PGCKA1: variants seen among roughly 807,000 people sequenced by gnomAD.
The protein encoded by PGCKA1 is PDCD10 and GCKIII kinases associated 1, also known as PDCD10 and GCKIII kinases-associated protein 1.
the PGCKA1 span, among the ~76,000 whole-genome samples, chr4:37,509,834 G>C: frequency 6.6e-6 from 1 of 151,602 alleles, no homozygotes; most frequent in African/African-American, 2.4e-5. Flanking sequence ...GTGGCGGCGC[G>C]CGCCTGCAAT....
chr4:37,508,220 C>T, the PGCKA1 span, among the ~76,000 whole-genome samples: 1 of 152,084 alleles, frequency 6.6e-6, no homozygotes. Context: ...TCTTGGCATT[C>T]TATAACCTTC....
the PGCKA1 span, among the ~76,000 whole-genome samples, chr4:37,512,379 A>G: frequency 6.6e-6 from 1 of 152,092 alleles, no homozygotes; most frequent in Admixed American, 6.5e-5. Context: ...TCACTGAGAC[A>G]CTAAAAATCA....
the PGCKA1 span, among the ~76,000 whole-genome samples, chr4:37,471,213 TTGGAA>T: frequency 6.6e-6 from 1 of 152,210 alleles, no homozygotes; most frequent in Middle Eastern, 3.2e-3. Flanking sequence ...TTGGCTAAAC[TTGGAA>T]GTAAAATACA....
At chr4:37,589,775 G>A in the PGCKA1 span, among the ~76,000 whole-genome samples, 2 of 152,244 alleles carry the variant, frequency 1.3e-5, no homozygotes, top group African/African-American at 4.8e-5. Context: ...GGGATTACAG[G>A]TGCCTACCAC....
chr4:37,589,997 A>G, the PGCKA1 span: 5 of 897,606 alleles, frequency 5.6e-6, no homozygotes, highest in African/African-American at 1.7e-5. Context: ...CAGAAATTAA[A>G]TTAGCAGGAA....
the PGCKA1 span, among the ~76,000 whole-genome samples, chr4:37,499,165 G>A: frequency 2.0e-5 from 3 of 152,186 alleles, no homozygotes; most frequent in African/African-American, 4.8e-5. Flanking sequence ...TGCATCCCAG[G>A]GATAAAGCCT....
chr4:37,517,650 T>G, the PGCKA1 span, among the ~76,000 whole-genome samples: 1 of 152,114 alleles, frequency 6.6e-6, no homozygotes, highest in Non-Finnish European at 1.5e-5. Context: ...GTACAGATAT[T>G]TATGGGGTAC....
the PGCKA1 span, among the ~76,000 whole-genome samples, chr4:37,540,051 C>T: frequency 1.5e-4 from 23 of 152,208 alleles, no homozygotes; most frequent in African/African-American, 5.3e-4. Context: ...AAGTGGGACA[C>T]GAAGTTGTAT....
At chr4:37,545,087 C>T in the PGCKA1 span, among the ~76,000 whole-genome samples, 2 of 152,116 alleles carry the variant, frequency 1.3e-5, no homozygotes, top group African/African-American at 4.8e-5. Flanking sequence ...AACTCCTGAC[C>T]TCAAGTGATC....
At chr4:37,591,000 G>T in the PGCKA1 span, 2 of 1,601,982 alleles carry the variant, frequency 1.2e-6, no homozygotes, top group South Asian at 1.1e-5. Context: ...AGACTGATTA[G>T]GGGAGGGGAT....
At chr4:37,574,269 T>A in the PGCKA1 span, among the ~76,000 whole-genome samples, 2 of 152,288 alleles carry the variant, frequency 1.3e-5, no homozygotes, top group African/African-American at 4.8e-5. Flanking sequence ...TGATTGTTAA[T>A]CAAGTTGAAC....
At chr4:37,515,911 C>T in the PGCKA1 span, among the ~76,000 whole-genome samples, 1 of 152,194 alleles carries the variant, frequency 6.6e-6, no homozygotes, top group Non-Finnish European at 1.5e-5. Flanking sequence ...GAGTCAAAAT[C>T]TTAACATACA....
At chr4:37,505,122 A>G in the PGCKA1 span, among the ~76,000 whole-genome samples, 3 of 152,188 alleles carry the variant, frequency 2.0e-5, no homozygotes, top group East Asian at 1.9e-4. Flanking sequence ...AAGGGTTTTC[A>G]TCATTAAGGG....
At chr4:37,509,719 G>C in the PGCKA1 span, among the ~76,000 whole-genome samples, 1 of 151,374 alleles carries the variant, frequency 6.6e-6, no homozygotes, top group Admixed American at 6.6e-5. Context: ...CCAGCACTTC[G>C]CGAGGCCGAG....
At chr4:37,481,398 G>A in the PGCKA1 span, among the ~76,000 whole-genome samples, 1 of 144,260 alleles carries the variant, frequency 6.9e-6, no homozygotes, top group East Asian at 2.2e-4. Context: ...CCAGGAGGTG[G>A]AGGCTGCAGT....
chr4:37,592,208 C>CAAA, the PGCKA1 span, among the ~76,000 whole-genome samples: 6 of 93,362 alleles, frequency 6.4e-5, no homozygotes, highest in African/African-American at 2.3e-4. Flanking sequence ...GACTCCATCT[C>CAAA]AAAAAAAAAA....
the PGCKA1 span, among the ~76,000 whole-genome samples, chr4:37,468,474 C>G: frequency 6.6e-6 from 1 of 152,314 alleles, no homozygotes; most frequent in Admixed American, 6.5e-5. Context: ...GTGTTAGGAT[C>G]TCACCTCTGG....
the PGCKA1 span, among the ~76,000 whole-genome samples, chr4:37,554,435 C>T: frequency 0.34 from 52,353 of 151,842 alleles, 9,415 homozygotes; most frequent in East Asian, 0.57. Flanking sequence ...CTGCACCCTC[C>T]GCCTCCAGGT....
the PGCKA1 span, among the ~76,000 whole-genome samples, chr4:37,465,958 A>G: frequency 6.6e-6 from 1 of 152,166 alleles, no homozygotes; most frequent in Middle Eastern, 3.2e-3. Context: ...AATGCTTTGA[A>G]CCGGCCACTG....
Sources: allele counts gnomAD v4.1 joint callset (sites outside exome capture counted in the v4.1 genomes callset), GRCh38; gene constraint gnomAD v4.1.1; transcripts MANE v1.5; gene names NCBI Gene and HGNC (gene_info 2026-07-23, HGNC 2026-07-21).